CPNE8: variants seen among roughly 807,000 people sequenced by gnomAD.
The protein encoded by CPNE8 is copine 8.
A neutral mutation model predicts 81.5 loss-of-function variants in CPNE8; 45 were observed. The observed-to-expected ratio is 0.55, with a 90% confidence interval of 0.44 to 0.71. The LOEUF is 0.71. Ranked by LOEUF, CPNE8 falls within the 30% of genes least tolerant of loss-of-function variation. The probability of loss-of-function intolerance (pLI) is 0.00; values close to 1 mark genes in which losing one functional copy is unlikely to be tolerated. For synonymous variants in CPNE8, 252 were observed against 226.3 expected (o/e 1.11, Z -1.02); for missense variants, 594 against 672.1 (o/e 0.88, Z 1.28).
intron 6 of CPNE8, among the ~76,000 whole-genome samples, chr12:38,795,356 C>T (rs112011288): frequency 0.016 from 2,405 of 152,244 alleles, 56 homozygotes; most frequent in African/African-American, 0.047. Flanking sequence ...CCATATGATC[C>T]GCAATCCCAC....
chr12:38,752,430 C>T (rs1419654492), intron 10 of CPNE8, among the ~76,000 whole-genome samples: 2 of 152,170 alleles, frequency 1.3e-5, no homozygotes, highest in Non-Finnish European at 2.9e-5. Flanking sequence ...ACCTCAGCTT[C>T]CCAGAACCTT....
chr12:38,905,714 G>T, upstream of CPNE8: 2 of 1,441,072 alleles, frequency 1.4e-6, no homozygotes, highest in South Asian at 2.8e-5. Flanking sequence ...AGCCACGAGG[G>T]AACCGCTAGC....
At chr12:38,666,542 A>T (rs2136639796) in intron 19 of CPNE8, among the ~76,000 whole-genome samples, 1 of 152,304 alleles carries the variant, frequency 6.6e-6, no homozygotes, top group South Asian at 2.1e-4. Flanking sequence ...ACGTGGAGAA[A>T]TTTGAAAGTA....
At chr12:38,751,671 A>C (rs1389349029) in intron 10 of CPNE8, among the ~76,000 whole-genome samples, 1 of 151,984 alleles carries the variant, frequency 6.6e-6, no homozygotes, top group Non-Finnish European at 1.5e-5. Context: ...GTTAATCCTA[A>C]TTCAGCAATA....
chr12:38,687,864 T>C (rs1939568847), intron 15 of CPNE8, among the ~76,000 whole-genome samples: 1 of 152,218 alleles, frequency 6.6e-6, no homozygotes, highest in African/African-American at 2.4e-5. Context: ...AATAAAAGCC[T>C]GCTTTACATT....
In CPNE8 at chr12:38,744,642, G is replaced by T. The variant is rs559710111; in HGVS notation, c.723-14284C>A. Among the ~76,000 whole-genome samples, 5 of 152,242 alleles carry T rather than the reference G, an allele frequency of 3.3e-5. No individual in the cohort carries two copies. In the East Asian group the frequency reaches 9.7e-4, roughly 29 times the overall value. ...TGGAGAAATGAAAACTCATAAATGTGAAATCTGAAGGCTCCACATTCTGAA... is the reference window on the plus strand; with the variant it reads ...TGGAGAAATGAAAACTCATAAATGTTAAATCTGAAGGCTCCACATTCTGAA... On this transcript the variant is annotated intron_variant, in intron 10 of 19. Transcript: ENST00000331366.
At chr12:38,720,088 G>A (rs999973743) in intron 13 of CPNE8, among the ~76,000 whole-genome samples, 1 of 152,138 alleles carries the variant, frequency 6.6e-6, no homozygotes, top group Admixed American at 6.5e-5. Flanking sequence ...CCAGAACTGG[G>A]TTCTTATAAA....
intron 10 of CPNE8, among the ~76,000 whole-genome samples, chr12:38,735,355 A>G (rs922959072): frequency 1.3e-5 from 2 of 152,048 alleles, no homozygotes; most frequent in Non-Finnish European, 2.9e-5. Context: ...AGAGGTTTAA[A>G]TCTGTATTTG....
chr12:38,891,164 CAA>C (rs1228114385), intron 1 of CPNE8, among the ~76,000 whole-genome samples: 1 of 151,900 alleles, frequency 6.6e-6, no homozygotes, highest in Non-Finnish European at 1.5e-5. Context: ...CTCCCAACCT[CAA>C]ATAATCCACC....
intron 6 of CPNE8, among the ~76,000 whole-genome samples, chr12:38,797,412 C>A (rs951672788): frequency 1.3e-5 from 2 of 152,168 alleles, no homozygotes; most frequent in Non-Finnish European, 2.9e-5. Context: ...CTTCTGCAGA[C>A]ACGGCTGCGG....
intron 1 of CPNE8, among the ~76,000 whole-genome samples, chr12:38,898,475 G>A (rs941165312): frequency 2.0e-5 from 3 of 152,158 alleles, no homozygotes; most frequent in Admixed American, 2.0e-4. Context: ...GATCTCAAGA[G>A]CTGCAGAGAC....
At chr12:38,793,329 TACACACAC>T (rs55794135) in intron 6 of CPNE8, among the ~76,000 whole-genome samples, 21 of 149,060 alleles carry the variant, frequency 1.4e-4, no homozygotes, top group Middle Eastern at 3.4e-3. Flanking sequence ...TTCTAAAAAT[TACACACAC>T]ACACACACAC....
At chr12:38,783,880 T>A (rs1942109290) in intron 6 of CPNE8, among the ~76,000 whole-genome samples, 2 of 152,148 alleles carry the variant, frequency 1.3e-5, no homozygotes, top group South Asian at 4.1e-4. Flanking sequence ...ATCTGGAAAG[T>A]CTTGCCAAGA....
rs570697401 is a variant in CPNE8, at chr12:38,789,575, C to A, written c.408-13274G>T. On this transcript the variant is annotated intron_variant, in intron 6 of 19. Coordinates refer to ENST00000331366, the MANE Select transcript of CPNE8 (RefSeq NM_153634.3). ...TCTTAGGTAATATCCCATTGGCAATCAAAGAAAAAATGGACAAATCAGATC... is the reference window on the plus strand; with the variant it reads ...TCTTAGGTAATATCCCATTGGCAATAAAAGAAAAAATGGACAAATCAGATC... 2.0e-5 allele frequency among the ~76,000 whole-genome samples: 3 copies of A among 151,592 alleles called. No individual in the cohort carries two copies. The South Asian group carries it at 6.2e-4, about 31-fold the overall frequency.
intron 6 of CPNE8, among the ~76,000 whole-genome samples, chr12:38,827,181 A>C (rs1943213396): frequency 6.6e-6 from 1 of 151,840 alleles, no homozygotes; most frequent in South Asian, 2.1e-4. Context: ...AAAAAAAAAA[A>C]AAAAAGTATA....
chr12:38,870,374 A>G (rs1286596773), intron 3 of CPNE8, among the ~76,000 whole-genome samples: 1 of 152,230 alleles, frequency 6.6e-6, no homozygotes, highest in Non-Finnish European at 1.5e-5. Context: ...TCACAATAGC[A>G]AAGACTTGGA....
intron 3 of CPNE8, among the ~76,000 whole-genome samples, chr12:38,857,058 G>A (rs1490669102): frequency 6.6e-6 from 1 of 150,628 alleles, no homozygotes; most frequent in Non-Finnish European, 1.5e-5. Context: ...CCTTAATCTT[G>A]TTGTCTTTTT....
intron 6 of CPNE8, among the ~76,000 whole-genome samples, chr12:38,779,133 T>C (rs1009047581): frequency 1.3e-5 from 2 of 152,176 alleles, no homozygotes; most frequent in African/African-American, 4.8e-5. Context: ...ACACCCTGAC[T>C]GAGCATCAAC....
intron 6 of CPNE8, among the ~76,000 whole-genome samples, chr12:38,811,414 A>G (rs1291287050): frequency 6.6e-6 from 1 of 152,224 alleles, no homozygotes; most frequent in Non-Finnish European, 1.5e-5. Context: ...TGAATAAACT[A>G]GGGCTTCACA....
Sources: allele counts gnomAD v4.1 joint callset (sites outside exome capture counted in the v4.1 genomes callset), GRCh38; gene constraint gnomAD v4.1.1; transcripts MANE v1.5; gene names NCBI Gene and HGNC (gene_info 2026-07-23, HGNC 2026-07-21).